Variants in SMG6 observed in about 807,000 individuals in gnomAD.
SMG6 encodes the protein telomerase-binding protein EST1A.
Under a neutral mutation model 142.2 loss-of-function variants are expected in SMG6, and 66 were observed. That is an observed-to-expected ratio of 0.46 (90% CI 0.38 to 0.57). The LOEUF is 0.57. SMG6 is among the 20% of genes least tolerant of loss of function. The pLI is 0.00. For synonymous variants in SMG6, 779 were observed against 702.4 expected, an observed-to-expected ratio of 1.11 and a Z score of -1.72; for missense variants, 1,793 against 1,832.0, an observed-to-expected ratio of 0.98 and a Z score of 0.39.
Position 2,065,626 on chromosome 17 carries a change from C to T in SMG6, c.3889G>A (p.Gly1297Arg), listed in dbSNP as rs2067920258. ...TCTTGTACCACACGGGCGTAGCCCC[C>T]AGCCCGGTGGTCTGTCTCCTGCCCC... ...AKGQETDHRA[G>R]GYARVVQEKA... Residue 1297 changes from glycine (G) to arginine (R), a missense_variant, in exon 17 of 19, where the codon GGG becomes AGG. Physicochemically the swap from Gly to Arg is moderately radical, Grantham distance 125. This residue lies in a region of SMG6 where 179 missense variants were observed against 212.6 expected (regional missense o/e 0.84). Coordinates refer to ENST00000263073, the MANE Select transcript of SMG6 (RefSeq NM_017575.5). The T allele has an allele frequency of 1.2e-6, 2 of 1,613,884 alleles. No homozygotes were observed. Among genetic ancestry groups the T allele is most frequent in the African/African-American group, 1.3e-5 (1 of 74,938 alleles).
chr17:2,188,400 T>C lies in SMG6; in HGVS notation c.2985A>G (p.Lys995=). Residue 995 remains lysine (K), a splice_region_variant and synonymous_variant, in exon 11 of 19, where the codon AAA becomes AAG. Transcript: ENST00000263073. The stretch of plus-strand genomic sequence containing the variant: ...AGGCTGGGGACTCCTCCTGCTTACC[T>C]TTGGCGGACTCCTTAAGTAAGCAGG... ...RCTCLLKESA[K]AQLSSPEDQD... 6.2e-7 allele frequency: 1 copy of C among 1,613,618 alleles called. No homozygotes were observed. Among genetic ancestry groups the C allele is most frequent in the Non-Finnish European group, 8.5e-7 (1 of 1,179,814 alleles).
At chr17:2,258,573 A>AG (rs1470448003) in intron 8 of SMG6, among the ~76,000 whole-genome samples, 2 of 150,562 alleles carry the variant, frequency 1.3e-5, no homozygotes, top group African/African-American at 2.5e-5. Context: ...AAAAAAAAAA[A>AG]GGCAACCTCA....
chr17:2,219,243 C>A (rs111720518), intron 10 of SMG6, among the ~76,000 whole-genome samples: 1 of 151,874 alleles, frequency 6.6e-6, no homozygotes, highest in Non-Finnish European at 1.5e-5. Context: ...AAATTAGCCA[C>A]GCGTGGTGGC....
Position 2,172,209 on chromosome 17 carries a change from A to G in SMG6, c.3357+449T>C, listed in dbSNP as rs886897175. ...CAAGTTTTTTTTTCTAAGTTAACAC[A>G]TGGTGTCTGCTTCTCTCTAGTCACC... is the stretch of plus-strand genomic sequence containing the variant. On this transcript the variant is annotated intron_variant, in intron 13 of 18. Coordinates refer to ENST00000263073, the MANE Select transcript of SMG6 (RefSeq NM_017575.5). Among the ~76,000 whole-genome samples, 4 of 151,598 alleles carry G rather than the reference A, an allele frequency of 2.6e-5. No individual in the cohort carries two copies. In the East Asian group the frequency reaches 7.8e-4, roughly 29 times the overall value.
chr17:2,254,683 G>A (rs554677184), intron 8 of SMG6, among the ~76,000 whole-genome samples: 1 of 152,204 alleles, frequency 6.6e-6, no homozygotes, highest in Admixed American at 6.5e-5. Context: ...TAAGAGGGAT[G>A]GTGAAGACTT....
chr17:2,277,076 C>G (rs2074666260), intron 8 of SMG6, among the ~76,000 whole-genome samples: 1 of 152,042 alleles, frequency 6.6e-6, no homozygotes, highest in Non-Finnish European at 1.5e-5. Flanking sequence ...CCACTGCGCC[C>G]GGCCTACTTT....
Position 2,061,147 on chromosome 17 carries a change from A to G in SMG6, c.*345T>C, listed in dbSNP as rs74853845. 4.7e-3 allele frequency: 1,052 copies of G among 223,768 alleles called. 6 individuals carry two copies. The highest frequency in any genetic ancestry group is 7.6e-3 in the Non-Finnish European group (830 of 109,584). 13.9% of individuals were successfully genotyped at this position (223,768 alleles called of 1,614,324 possible). ...CACTGGAGAAAGTGGCTGCGTCCCCAGGCGAGAAGGCCCTCCCTCAGCCTT... is the reference window on the plus strand; with the variant it reads ...CACTGGAGAAAGTGGCTGCGTCCCCGGGCGAGAAGGCCCTCCCTCAGCCTT... On this transcript the variant is annotated 3_prime_UTR_variant, in exon 19 of 19. Transcript: ENST00000263073.
At chr17:2,214,964 G>C (rs1333953138) in intron 10 of SMG6, among the ~76,000 whole-genome samples, 3 of 152,136 alleles carry the variant, frequency 2.0e-5, no homozygotes, top group African/African-American at 7.2e-5. Context: ...ACTGAGGAAT[G>C]CTCTCGACAG....
chr17:2,214,998 C>T (rs889410639), intron 10 of SMG6, among the ~76,000 whole-genome samples: 2 of 152,156 alleles, frequency 1.3e-5, no homozygotes, highest in Non-Finnish European at 2.9e-5. Flanking sequence ...GCCAATGCTG[C>T]GATACCAAAG....
At chr17:2,259,616 T>C (rs1274339131) in intron 8 of SMG6, among the ~76,000 whole-genome samples, 2 of 137,504 alleles carry the variant, frequency 1.5e-5, no homozygotes. Flanking sequence ...GAGGCTGCAG[T>C]GAGCCGAGAT....
At chr17:2,131,181 G>GA (rs1280857902) in intron 13 of SMG6, among the ~76,000 whole-genome samples, 3 of 152,052 alleles carry the variant, frequency 2.0e-5, no homozygotes, top group Non-Finnish European at 4.4e-5. Flanking sequence ...TTTTATTATG[G>GA]AAAATCTCAA....
At chr17:2,074,133 G>A (rs1189197812) in intron 15 of SMG6, among the ~76,000 whole-genome samples, 1 of 152,166 alleles carries the variant, frequency 6.6e-6, no homozygotes, top group Non-Finnish European at 1.5e-5. Context: ...CTGGAGTGCA[G>A]TGGTGCGATC....
chr17:2,148,435 A>C (rs772513499), intron 13 of SMG6, among the ~76,000 whole-genome samples: 2 of 152,282 alleles, frequency 1.3e-5, no homozygotes, highest in East Asian at 3.8e-4. Flanking sequence ...AGCATTAAAA[A>C]GAAATGAACT....
intron 13 of SMG6, chr17:2,088,663 C>T: frequency 3.0e-6 from 3 of 985,384 alleles, no homozygotes; most frequent in Non-Finnish European, 3.6e-6. Flanking sequence ...ATCCAAGCAG[C>T]AGGGAGGATG....
intron 14 of SMG6, among the ~76,000 whole-genome samples, chr17:2,083,711 T>C (rs1242570043): frequency 6.6e-6 from 1 of 152,156 alleles, no homozygotes; most frequent in Non-Finnish European, 1.5e-5. Flanking sequence ...GCCTAGCCCA[T>C]GGGGGAACAC....
chr17:2,070,379 C>T (rs752539436), intron 15 of SMG6, among the ~76,000 whole-genome samples: 2 of 152,154 alleles, frequency 1.3e-5, no homozygotes, highest in Non-Finnish European at 2.9e-5. Context: ...ACAAACCTGG[C>T]GGGGCCAGGA....
intron 10 of SMG6, among the ~76,000 whole-genome samples, chr17:2,206,010 T>C (rs975519037): frequency 2.0e-5 from 3 of 152,126 alleles, no homozygotes; most frequent in Non-Finnish European, 4.4e-5. Flanking sequence ...CATTTAACCA[T>C]GTTGGCCAGG....
At chr17:2,141,223 G>A (rs1238507877) in intron 13 of SMG6, among the ~76,000 whole-genome samples, 1 of 152,170 alleles carries the variant, frequency 6.6e-6, no homozygotes, top group Non-Finnish European at 1.5e-5. Context: ...ACTAAACACT[G>A]CATCATTACA....
At chr17:2,272,770 CTACTAAAAA>C (rs1017076288) in intron 8 of SMG6, among the ~76,000 whole-genome samples, 2 of 152,010 alleles carry the variant, frequency 1.3e-5, no homozygotes, top group African/African-American at 4.8e-5. Context: ...AACCCCATCT[CTACTAAAAA>C]TACTAAAAAT....
Sources: allele counts gnomAD v4.1 joint callset (sites outside exome capture counted in the v4.1 genomes callset), GRCh38; gene constraint gnomAD v4.1.1; regional missense constraint gnomAD v4.1.1; transcripts MANE v1.5; gene names NCBI Gene and HGNC (gene_info 2026-07-23, HGNC 2026-07-21).